Variants in AXIN1 observed in about 807,000 individuals in gnomAD.
The protein encoded by AXIN1 is axin 1.
AXIN1 carries 30 observed loss-of-function variants against 76.4 expected under a neutral mutation model. That is an observed-to-expected ratio of 0.39 (90% CI 0.29 to 0.53). AXIN1 has a LOEUF of 0.53. Among genes scored for constraint, AXIN1 ranks in the 20% least tolerant of loss-of-function variants. The pLI is 0.66. For synonymous variants in AXIN1, 545 were observed against 501.4 expected, an observed-to-expected ratio of 1.09 and a Z score of -1.16; for missense variants, 1,140 against 1,198.8, an observed-to-expected ratio of 0.95 and a Z score of 0.72.
chr16:300,110 T>A (rs2052831330), intron 5 of AXIN1, among the ~76,000 whole-genome samples: 1 of 151,996 alleles, frequency 6.6e-6, no homozygotes. Flanking sequence ...CAGCTAAATT[T>A]TTTGTATTTT....
rs147414203 is a variant in AXIN1, at chr16:306,011, C to T, written c.1117-1570G>A. ...TCATTTTAAATTTCAAACTTCAAAA[C>T]AGCTGCAAAAATAGAACAAGGAATT... On this transcript the variant is annotated intron_variant, in intron 4 of 10. Coordinates refer to ENST00000262320, the MANE Select transcript of AXIN1 (RefSeq NM_003502.4). Among the ~76,000 whole-genome samples the T allele has an allele frequency of 9.0e-3, 1,377 of 152,240 alleles. 10 individuals carry two copies. Among genetic ancestry groups the T allele is most frequent in the Non-Finnish European group, 0.013 (900 of 68,026 alleles).
rs535409182 is a variant in AXIN1, at chr16:314,255, G to A, written c.1019+288C>T. 2.0e-4 allele frequency among the ~76,000 whole-genome samples: 30 copies of A among 152,340 alleles called. No homozygotes were observed. The South Asian group carries it at 6.2e-3, about 32-fold the overall frequency. On this transcript the variant is annotated intron_variant, in intron 3 of 10. Transcript: ENST00000262320. ...CCTCACTTGTACTGCTTGGAGGACA[G>A]CCTCTGCGGTACAGCCTGCCTGCAT...
At chr16:308,146 C>G (rs920727314) in intron 4 of AXIN1, among the ~76,000 whole-genome samples, 2 of 152,240 alleles carry the variant, frequency 1.3e-5, no homozygotes, top group Non-Finnish European at 2.9e-5. Context: ...CTGCTCCTGT[C>G]TGTGCCTGCC....
intron 9 of AXIN1, 93 bp from the exon 10 acceptor site, chr16:289,700 G>A (rs1020812738): frequency 2.0e-6 from 3 of 1,511,856 alleles, no homozygotes. Context: ...GTAAGGCGGG[G>A]CAGGCCTGCA....
chr16:304,343 G>A lies in AXIN1; in HGVS notation c.1215C>T (p.Ala405=), dbSNP rs200888076. The A allele has an allele frequency of 1.9e-4, 302 of 1,612,454 alleles. 1 individual carries two copies. Among genetic ancestry groups the A allele is most frequent in the Non-Finnish European group, 2.3e-4 (269 of 1,179,846 alleles). Residue 405 remains alanine, a synonymous_variant, in exon 5 of 11, where the codon GCC becomes GCT. Coordinates refer to ENST00000262320, the MANE Select transcript of AXIN1 (RefSeq NM_003502.4). ...RLEAVQRTRE[A]EEKLEERLKR... is the part of the protein sequence containing the mutation. ...TCAGCCGCTCCTCCAGCTTCTCCTC[G>A]GCCTCCCGCGTGCGCTGCACAGCCT...
At chr16:318,997 C>G (rs548703362) in intron 2 of AXIN1, among the ~76,000 whole-genome samples, 1 of 146,190 alleles carries the variant, frequency 6.8e-6, no homozygotes, top group Non-Finnish European at 1.5e-5. Context: ...GGAGAGAATG[C>G]GGCCGGAGAC....
intron 2 of AXIN1, among the ~76,000 whole-genome samples, chr16:317,080 C>G (rs1288057833): frequency 1.3e-5 from 2 of 152,138 alleles, no homozygotes; most frequent in Non-Finnish European, 2.9e-5. Flanking sequence ...GAGGGAGGGA[C>G]CAGCGCAGCT....
At chr16:303,185 A>G (rs916283552) in intron 5 of AXIN1, among the ~76,000 whole-genome samples, 11 of 152,044 alleles carry the variant, frequency 7.2e-5, no homozygotes, top group Admixed American at 2.0e-4. Context: ...TGCAAGTGAG[A>G]CGACCAGGTG....
Position 288,376 on chromosome 16 carries a change from T to C in AXIN1, c.2463-128A>G, listed in dbSNP as rs574461089. Reference sequence around the variant, plus strand: ...CCTGTCCATGCCCCACGGCCCCCACTGCATGTGCGCCCCCTCCCAGGGCAA... The same window carrying C: ...CCTGTCCATGCCCCACGGCCCCCACCGCATGTGCGCCCCCTCCCAGGGCAA... On this transcript the variant is annotated intron_variant, in intron 10 of 10. Coordinates refer to ENST00000262320, the MANE Select transcript of AXIN1 (RefSeq NM_003502.4). 3.6e-6 allele frequency: 5 copies of C among 1,379,990 alleles called. No individual in the cohort carries two copies. The African/African-American group carries it at 7.1e-5, about 20-fold the overall frequency. 85.5% of individuals were successfully genotyped at this position (1,379,990 alleles called of 1,614,324 possible). A position where few individuals can be genotyped will look rare whatever the true frequency, so the allele number is the denominator to read the frequency against.
chr16:294,755 CAAAAAAAAAAAA>C (rs1015576394), intron 7 of AXIN1, among the ~76,000 whole-genome samples: 2 of 24,742 alleles, frequency 8.1e-5, no homozygotes, highest in African/African-American at 3.4e-4. Context: ...AACCCCATCT[CAAAAAAAAAAAA>C]AAAAAAAAAA....
At chr16:296,910 C>T (rs1248198269) in intron 7 of AXIN1, 146 bp downstream of exon 7, 5 of 1,011,556 alleles carry the variant, frequency 4.9e-6, no homozygotes, top group Non-Finnish European at 7.5e-6. Context: ...GGAGGGTGCC[C>T]GGGAGGGTGC....
chr16:320,739 A>ATTTTTTTTT (rs1442116204), intron 2 of AXIN1, among the ~76,000 whole-genome samples: 19 of 91,976 alleles, frequency 2.1e-4, no homozygotes, highest in African/African-American at 8.0e-4. Flanking sequence ...ATATATATAT[A>ATTTTTTTTT]TATATTTTTT....
Position 346,626 on chromosome 16 carries a change from C to G in AXIN1, c.400G>C (p.Glu134Gln), listed in dbSNP as rs143341222. 5 of 1,589,834 alleles carry G rather than the reference C, an allele frequency of 3.1e-6. No individual in the cohort carries two copies. In the African/African-American group the frequency reaches 5.4e-5, roughly 17 times the overall value. The change falls in exon 2 of 11, where the codon GAG becomes CAG. Residue 134 changes from glutamate (E) to glutamine (Q), a missense_variant. By Grantham distance (29) the Glu-to-Gln change is conservative. Transcript: ENST00000262320. ...FRKLEPCDSN[E>Q]EKRLKLARAI... ...CTCGCCAGCTTCAGCCTCTTCTCCT[C>G]GTTCGAGTCACAGGGCTCCAGCTTC...
At chr16:333,447 A>G (rs2053735980) in intron 2 of AXIN1, among the ~76,000 whole-genome samples, 1 of 151,912 alleles carries the variant, frequency 6.6e-6, no homozygotes, top group African/African-American at 2.4e-5. Flanking sequence ...AAAAAAAAAA[A>G]AAGAAAAGAA....
At chr16:320,912 G>T (rs1178750730) in intron 2 of AXIN1, among the ~76,000 whole-genome samples, 1 of 151,630 alleles carries the variant, frequency 6.6e-6, no homozygotes, top group Non-Finnish European at 1.5e-5. Flanking sequence ...GCTAATTTTT[G>T]TATTTTTAGT....
intron 1 of AXIN1, among the ~76,000 whole-genome samples, chr16:350,084 C>G (rs1341101902): frequency 6.6e-6 from 1 of 152,176 alleles, no homozygotes; most frequent in African/African-American, 2.4e-5. Context: ...TTGCCTGGCC[C>G]CAAAACTAAT....
chr16:325,832 TGG>T, intron 2 of AXIN1, among the ~76,000 whole-genome samples: 1 of 152,056 alleles, frequency 6.6e-6, no homozygotes, highest in East Asian at 1.9e-4. Context: ...AGACAGGCAC[TGG>T]GAGAAGCAGG....
chr16:338,373 C>T (rs955223631), intron 2 of AXIN1, among the ~76,000 whole-genome samples: 1 of 152,232 alleles, frequency 6.6e-6, no homozygotes, highest in African/African-American at 2.4e-5. Flanking sequence ...AGCACCAGGG[C>T]CAGGCACACA....
chr16:298,397 C>T, intron 5 of AXIN1, 146 bp from the exon 6 acceptor site: 1 of 1,000,858 alleles, frequency 1.0e-6, no homozygotes, highest in Non-Finnish European at 1.5e-6. Context: ...GGTCCTGTCC[C>T]TGAGGATGGA....
Sources: allele counts gnomAD v4.1 joint callset (sites outside exome capture counted in the v4.1 genomes callset), GRCh38; gene constraint gnomAD v4.1.1; transcripts MANE v1.5; gene names NCBI Gene and HGNC (gene_info 2026-07-23, HGNC 2026-07-21).